CNTN5: variants seen among roughly 807,000 people sequenced by gnomAD.
CNTN5 encodes contactin-5.
Under a neutral mutation model 129.1 loss-of-function variants are expected in CNTN5, and 77 were observed. The observed-to-expected ratio is 0.60, with a 90% CI of 0.50 to 0.72. The LOEUF (loss-of-function observed/expected upper bound fraction) is 0.72. CNTN5 is among the 30% of genes least tolerant of loss of function. The probability of loss-of-function intolerance (pLI) is 0.00; values close to 1 mark genes in which losing one functional copy is unlikely to be tolerated. For missense variants in CNTN5, 1,478 were observed against 1,328.8 expected (o/e 1.11, Z -1.75); for synonymous variants, 509 against 465.6 (o/e 1.09, Z -1.20).
intron 2 of CNTN5, among the ~76,000 whole-genome samples, chr11:99,492,632 A>AT (rs1946079705): frequency 6.6e-6 from 1 of 152,144 alleles, no homozygotes; most frequent in African/African-American, 2.4e-5. Context: ...TTCCTTACCC[A>AT]TTGCAAGGGT....
intron 3 of CNTN5, among the ~76,000 whole-genome samples, chr11:99,563,652 C>T (rs1948913384): frequency 6.6e-6 from 1 of 152,128 alleles, no homozygotes; most frequent in Non-Finnish European, 1.5e-5. Flanking sequence ...CTCTGCAGTA[C>T]CCATGACGCA....
At chr11:99,839,560 C>T (rs1322675881) in intron 4 of CNTN5, among the ~76,000 whole-genome samples, 1 of 151,740 alleles carries the variant, frequency 6.6e-6, no homozygotes, top group African/African-American at 2.4e-5. Context: ...CGCAGATGTC[C>T]TTAAAAAGGA....
intron 8 of CNTN5, among the ~76,000 whole-genome samples, chr11:99,965,732 G>A (rs1049343287): frequency 1.6e-4 from 25 of 152,164 alleles, no homozygotes; most frequent in African/African-American, 5.1e-4. Flanking sequence ...TTTCTGTCTC[G>A]TTGATCTGTC....
chr11:99,258,650 A>G (rs1174884311), intron 1 of CNTN5, among the ~76,000 whole-genome samples: 2 of 152,048 alleles, frequency 1.3e-5, no homozygotes, highest in South Asian at 4.1e-4. Context: ...TAATAAACTC[A>G]TTCATTATAA....
At chr11:100,323,900 A>G (rs545255508) in intron 21 of CNTN5, among the ~76,000 whole-genome samples, 1 of 152,060 alleles carries the variant, frequency 6.6e-6, no homozygotes, top group Admixed American at 6.6e-5. Context: ...TACATCTCCA[A>G]AATTCTCTCT....
intron 8 of CNTN5, among the ~76,000 whole-genome samples, chr11:99,969,692 C>T (rs141644431): frequency 6.6e-6 from 1 of 152,196 alleles, no homozygotes; most frequent in East Asian, 1.9e-4. Flanking sequence ...TTCATCTTTC[C>T]TGGCAGTTTG....
At chr11:99,643,138 C>A (rs541927949) in intron 3 of CNTN5, among the ~76,000 whole-genome samples, 1 of 152,108 alleles carries the variant, frequency 6.6e-6, no homozygotes, top group East Asian at 1.9e-4. Flanking sequence ...TTATCTCATA[C>A]AAAACTTAGA....
chr11:99,903,427 A>C (rs988832945), intron 6 of CNTN5, among the ~76,000 whole-genome samples: 1 of 152,188 alleles, frequency 6.6e-6, no homozygotes, highest in Middle Eastern at 3.4e-3. Flanking sequence ...AAAGGGAAAA[A>C]AAAACTATTT....
intron 3 of CNTN5, among the ~76,000 whole-genome samples, chr11:99,578,986 C>A (rs1308641399): frequency 8.6e-5 from 13 of 151,944 alleles, no homozygotes; most frequent in African/African-American, 3.1e-4. Flanking sequence ...AGTCTTTAAT[C>A]CATCTTGAGT....
chr11:100,127,280 G>T (rs1291168967), intron 13 of CNTN5, among the ~76,000 whole-genome samples: 1 of 151,742 alleles, frequency 6.6e-6, no homozygotes, highest in African/African-American at 2.4e-5. Context: ...ATCCCTTAAA[G>T]ATCTCTTATA....
intron 1 of CNTN5, among the ~76,000 whole-genome samples, chr11:99,079,426 C>A (rs1232396811): frequency 6.6e-6 from 1 of 152,076 alleles, no homozygotes; most frequent in Admixed American, 6.6e-5. Context: ...AGTGGAGTAG[C>A]ATGTAATGAC....
chr11:99,189,513 AG>A (rs1218736088), intron 1 of CNTN5, among the ~76,000 whole-genome samples: 1 of 151,632 alleles, frequency 6.6e-6, no homozygotes. Flanking sequence ...CACTATGCAA[AG>A]GTTTCCATTT....
intron 8 of CNTN5, among the ~76,000 whole-genome samples, chr11:99,962,403 C>A (rs1168274954): frequency 6.6e-6 from 1 of 150,382 alleles, no homozygotes; most frequent in African/African-American, 2.4e-5. Flanking sequence ...TGAGAAGATG[C>A]AGTGTTTGGT....
chr11:100,038,129 A>G (rs1003789072), intron 9 of CNTN5, among the ~76,000 whole-genome samples: 7 of 151,322 alleles, frequency 4.6e-5, no homozygotes, highest in Non-Finnish European at 1.0e-4. Context: ...CCCTCTACAC[A>G]CTACTTTGAA....
At chr11:99,427,541 C>A (rs565677581) in intron 2 of CNTN5, among the ~76,000 whole-genome samples, 17 of 151,794 alleles carry the variant, frequency 1.1e-4, no homozygotes, top group Non-Finnish European at 1.8e-4. Flanking sequence ...CCGAGGCGGG[C>A]GGATCATGAG....
At chr11:99,818,888 A>C (rs1452511848) in intron 3 of CNTN5, among the ~76,000 whole-genome samples, 1 of 152,132 alleles carries the variant, frequency 6.6e-6, no homozygotes, top group East Asian at 1.9e-4. Context: ...TTAGATAATA[A>C]AACCTAGAAA....
intron 1 of CNTN5, among the ~76,000 whole-genome samples, chr11:99,189,998 AC>A (rs1858553066): frequency 6.6e-6 from 1 of 151,514 alleles, no homozygotes; most frequent in African/African-American, 2.4e-5. Flanking sequence ...ATGTCATGAA[AC>A]TTTTCCCTGT....
chr11:99,073,364 TTATGGTTTG>T (rs1448814887), intron 1 of CNTN5, among the ~76,000 whole-genome samples: 1 of 148,658 alleles, frequency 6.7e-6, no homozygotes, highest in Non-Finnish European at 1.5e-5. Flanking sequence ...GTATGTCTCT[TTATGGTTTG>T]GTTTTTTTTT....
At chr11:100,291,269 A>G (rs1001507243) in intron 18 of CNTN5, among the ~76,000 whole-genome samples, 6 of 151,952 alleles carry the variant, frequency 3.9e-5, no homozygotes, top group African/African-American at 1.5e-4. Context: ...TATATACCCA[A>G]TGGACTATAA....
Sources: gnomAD v4.1 joint callset for allele counts (sites outside exome capture counted in the v4.1 genomes callset) on GRCh38, gnomAD v4.1.1 for gene constraint, MANE v1.5 for transcripts, NCBI Gene and HGNC (gene_info 2026-07-23, HGNC 2026-07-21) for gene names.